PCCA: variants seen among roughly 807,000 people sequenced by gnomAD.
PCCA encodes the protein propionyl-CoA carboxylase subunit alpha.
A neutral mutation model predicts 101.3 loss-of-function variants in PCCA; 74 were observed. The observed-to-expected ratio is 0.73, with a 90% CI of 0.61 to 0.89. The LOEUF (loss-of-function observed/expected upper bound fraction) is 0.89. Ranked by LOEUF, PCCA falls within the 40% of genes least tolerant of loss-of-function variation. The probability of loss-of-function intolerance (pLI) is 0.00; values close to 1 mark genes in which losing one functional copy is unlikely to be tolerated. For synonymous variants in PCCA, 294 were observed against 313.6 expected (o/e 0.94, Z 0.66); for missense variants, 891 against 907.0 (o/e 0.98, Z 0.23).
At chr13:100,508,119 C>T (rs1206595459) in intron 21 of PCCA, among the ~76,000 whole-genome samples, 1 of 152,112 alleles carries the variant, frequency 6.6e-6, no homozygotes, top group Non-Finnish European at 1.5e-5. Context: ...ATTCTTCCCT[C>T]CAGAGGAGAG....
At chr13:100,089,289 G>C in intron 1 of PCCA, 64 bp downstream of exon 1, 2 of 1,358,696 alleles carry the variant, frequency 1.5e-6, no homozygotes, top group Non-Finnish European at 9.5e-7. Flanking sequence ...CCGCCTCTGG[G>C]CGGCTGGCGC....
At chr13:100,370,074 C>CTTTTTTTTTTTTTTTTTTT (rs386380451) in intron 19 of PCCA, among the ~76,000 whole-genome samples, 1 of 74,640 alleles carries the variant, frequency 1.3e-5, no homozygotes, top group Non-Finnish European at 2.3e-5. Context: ...GCTGTTACTT[C>CTTTTTTTTTTTTTTTTTTT]TTTTTTTTTT....
chr13:100,206,191 C>T (rs1439487945), intron 6 of PCCA, among the ~76,000 whole-genome samples: 1 of 152,100 alleles, frequency 6.6e-6, no homozygotes, highest in Non-Finnish European at 1.5e-5. Context: ...ACTTGTAACA[C>T]CAGCAAATTC....
At position 100,325,859 on chromosome 13, in the gene PCCA, T is replaced by C. The variant is rs142643365; in HGVS notation, c.1430-4702T>C. Among the ~76,000 whole-genome samples the C allele has an allele frequency of 1.4e-3, 209 of 152,276 alleles. 2 individuals are homozygous for C. The highest frequency in any genetic ancestry group is 0.011 in the South Asian group (52 of 4,822). ...GCTGTCTTCTAAAGTTCTTTTGATA[T>C]GGACAGAGCCCCAGCCACCCAGAAC... On this transcript the variant is annotated intron_variant, in intron 16 of 23. Transcript: ENST00000376285.
intron 19 of PCCA, among the ~76,000 whole-genome samples, chr13:100,389,704 GA>G (rs1348634781): frequency 6.6e-6 from 1 of 152,214 alleles, no homozygotes; most frequent in Non-Finnish European, 1.5e-5. Flanking sequence ...TCTGAAGCAA[GA>G]GAGAAGTTGT....
intron 20 of PCCA, among the ~76,000 whole-genome samples, chr13:100,448,373 A>G (rs1160704398): frequency 1.3e-5 from 2 of 152,026 alleles, no homozygotes; most frequent in African/African-American, 4.8e-5. Flanking sequence ...TTGTATTTTT[A>G]GTAAAGACGG....
chr13:100,407,077 G>T (rs1224662437), intron 19 of PCCA, among the ~76,000 whole-genome samples: 1 of 152,102 alleles, frequency 6.6e-6, no homozygotes, highest in Non-Finnish European at 1.5e-5. Context: ...AAAGAAGTTC[G>T]GTTATCTCCA....
chr13:100,520,514 A>G (rs999121310), intron 22 of PCCA, among the ~76,000 whole-genome samples: 3 of 151,692 alleles, frequency 2.0e-5, no homozygotes, highest in South Asian at 2.1e-4. Context: ...GGGCGCCTGT[A>G]GTCCCAGCTA....
Position 100,422,135 on chromosome 13 carries a change from C to CTT in PCCA, c.1747-3482_1747-3481dup, listed in dbSNP as rs1232975466. On this transcript the variant is annotated intron_variant, in intron 19 of 23. Transcript: ENST00000376285. ...CTTTCTTTCTTTTCTTTCTTTCTTT[C>CTT]TTTTTTTTTTTTTTTTTGACAGCAT... Among the ~76,000 whole-genome samples the CTT allele has an allele frequency of 1.7e-3, 120 of 68,780 alleles. 6 individuals carry two copies. The highest frequency in any genetic ancestry group is 7.2e-3 in the African/African-American group (115 of 15,998). The allele number at this position is 68,780 out of a possible 152,430, so 45.1% of individuals were successfully genotyped here.
At chr13:100,170,268 T>G (rs920564924) in intron 6 of PCCA, among the ~76,000 whole-genome samples, 2 of 152,250 alleles carry the variant, frequency 1.3e-5, no homozygotes, top group Admixed American at 6.5e-5. Flanking sequence ...TTTTTGTTTT[T>G]GTTCTAGTGA....
chr13:100,485,465 G>A (rs888326356), intron 21 of PCCA, among the ~76,000 whole-genome samples: 1 of 152,228 alleles, frequency 6.6e-6, no homozygotes, highest in African/African-American at 2.4e-5. Flanking sequence ...CACATGTGTG[G>A]TGAGCATTTC....
At chr13:100,458,856 A>G (rs78736115) in intron 21 of PCCA, among the ~76,000 whole-genome samples, 16,091 of 152,170 alleles carry the variant, frequency 0.11, 1,438 homozygotes, top group African/African-American at 0.24. Context: ...ACTCCCAAAC[A>G]GTAATACATA....
intron 21 of PCCA, among the ~76,000 whole-genome samples, chr13:100,477,034 T>A (rs899655071): frequency 6.6e-6 from 1 of 152,254 alleles, no homozygotes; most frequent in East Asian, 1.9e-4. Context: ...TCAGTAATTC[T>A]ATCCCATCTG....
intron 19 of PCCA, among the ~76,000 whole-genome samples, chr13:100,377,032 A>G (rs938901688): frequency 6.6e-6 from 1 of 152,172 alleles, no homozygotes; most frequent in African/African-American, 2.4e-5. Flanking sequence ...CTCATGGCAC[A>G]GTCCTTCACG....
At chr13:100,393,894 A>C (rs553652685) in intron 19 of PCCA, among the ~76,000 whole-genome samples, 1 of 152,348 alleles carries the variant, frequency 6.6e-6, no homozygotes, top group East Asian at 1.9e-4. Context: ...ATCAGGTAGA[A>C]GATCTACAAA....
chr13:100,281,208 T>C (rs1417522348), intron 12 of PCCA, among the ~76,000 whole-genome samples: 1 of 152,092 alleles, frequency 6.6e-6, no homozygotes, highest in Non-Finnish European at 1.5e-5. Flanking sequence ...CTAGACTTAA[T>C]AAGGAAAGAA....
At chr13:100,239,031 T>C (rs984896488) in intron 8 of PCCA, among the ~76,000 whole-genome samples, 1 of 152,172 alleles carries the variant, frequency 6.6e-6, no homozygotes, top group African/African-American at 2.4e-5. Flanking sequence ...TGTCTTTGCT[T>C]TTCTTCTGGA....
At chr13:100,420,977 C>T (rs981254905) in intron 19 of PCCA, among the ~76,000 whole-genome samples, 45 of 152,150 alleles carry the variant, frequency 3.0e-4, no homozygotes, top group African/African-American at 2.6e-4. Context: ...GAGGCCGTGG[C>T]GGGCCAATCA....
chr13:100,422,062 CTCTTTTCTTTTCTTTCT>C lies in PCCA; in HGVS notation c.1747-3569_1747-3553del, dbSNP rs1238708491. 5.8e-3 allele frequency among the ~76,000 whole-genome samples: 325 copies of C among 56,194 alleles called. 2 individuals are homozygous for C. Among genetic ancestry groups the C allele is most frequent in the African/African-American group, 0.017 (262 of 15,714 alleles). The allele number at this position is 56,194 out of a possible 152,430, so 36.9% of individuals were successfully genotyped here. A position where few individuals can be genotyped will look rare whatever the true frequency, so the allele number is the denominator to read the frequency against. ...CTTTTCTTTCTTTTCCTTTTCTCTT[CTCTTTTCTTTTCTTTCT>C]TTCTTTCTTTCTTTCTTTCTTTCTT... On this transcript the variant is annotated intron_variant, in intron 19 of 23. Transcript: ENST00000376285.
Sources: allele counts gnomAD v4.1 joint callset (sites outside exome capture counted in the v4.1 genomes callset), GRCh38; gene constraint gnomAD v4.1.1; transcripts MANE v1.5; gene names NCBI Gene and HGNC (gene_info 2026-07-23, HGNC 2026-07-21).